ANO10: variants seen among roughly 807,000 people sequenced by gnomAD.
ANO10 encodes the protein anoctamin-10.
A neutral mutation model predicts 74.7 loss-of-function variants in ANO10; 77 were observed. That is an observed-to-expected ratio of 1.03 (90% CI 0.86 to 1.25). The LOEUF (loss-of-function observed/expected upper bound fraction) is 1.25, where lower values mean the gene tolerates loss of function less well. Among genes scored for constraint, ANO10 ranks in the 50% most tolerant of loss-of-function variants. The pLI, the probability that ANO10 is intolerant of heterozygous loss-of-function variation, is 0.00. For missense variants in ANO10, 721 were observed against 778.1 expected (o/e 0.93, Z 0.87); for synonymous variants, 279 against 284.9 (o/e 0.98, Z 0.21).
intron 12 of ANO10, among the ~76,000 whole-genome samples, chr3:43,420,809 C>T (rs1194688653): frequency 2.0e-5 from 3 of 152,220 alleles, no homozygotes; most frequent in African/African-American, 7.2e-5. Context: ...ATGACTATTT[C>T]ATTCAACGAT....
At chr3:43,479,258 C>G (rs1011572981) in intron 11 of ANO10, among the ~76,000 whole-genome samples, 2 of 152,222 alleles carry the variant, frequency 1.3e-5, no homozygotes, top group Admixed American at 6.5e-5. Flanking sequence ...TAAAAACACA[C>G]AGTCCCTGTT....
At chr3:43,660,724 G>A (rs2083916052) in intron 1 of ANO10, among the ~76,000 whole-genome samples, 1 of 152,206 alleles carries the variant, frequency 6.6e-6, no homozygotes, top group Non-Finnish European at 1.5e-5. Flanking sequence ...GGAGGCCAAG[G>A]CTGGCGGATC....
chr3:43,598,531 C>T lies in ANO10; in HGVS notation c.472+1G>A. On this transcript the variant is annotated splice_donor_variant, in intron 4 of 12. Transcript: ENST00000292246. LOFTEE classifies it high-confidence loss of function. Reference sequence around the variant, plus strand: ...AAAGACTGGTTGACATAATGACTTACACAATGATTTTCCTGGATACAACTT... The same window carrying T: ...AAAGACTGGTTGACATAATGACTTATACAATGATTTTCCTGGATACAACTT... 1 of 1,612,936 alleles carries T rather than the reference C, an allele frequency of 6.2e-7. No individual in the cohort carries two copies. The highest frequency in any genetic ancestry group is 8.5e-7 in the Non-Finnish European group (1 of 1,179,582).
At chr3:43,564,406 A>C (rs2080206037) in intron 8 of ANO10, among the ~76,000 whole-genome samples, 1 of 151,046 alleles carries the variant, frequency 6.6e-6, no homozygotes, top group African/African-American at 2.5e-5. Flanking sequence ...TGTATGTATT[A>C]TTAAAAAAAA....
At chr3:43,571,072 A>G (rs1480633601) in intron 7 of ANO10, among the ~76,000 whole-genome samples, 15 of 151,782 alleles carry the variant, frequency 9.9e-5, no homozygotes, top group Admixed American at 5.9e-4. Flanking sequence ...CAGCCAAAAA[A>G]CACATGAAAA....
chr3:43,545,318 A>G (rs2079135425), intron 11 of ANO10, among the ~76,000 whole-genome samples: 1 of 152,222 alleles, frequency 6.6e-6, no homozygotes, highest in African/African-American at 2.4e-5. Context: ...GATAAAAGAG[A>G]AAAATCTTAT....
At chr3:43,655,143 T>A (rs1342240970) in intron 1 of ANO10, among the ~76,000 whole-genome samples, 1 of 152,178 alleles carries the variant, frequency 6.6e-6, no homozygotes, top group East Asian at 1.9e-4. Context: ...GTCACATGAT[T>A]CCAAGAAAAG....
At chr3:43,681,982 G>A (rs554330755) in intron 1 of ANO10, among the ~76,000 whole-genome samples, 2 of 152,276 alleles carry the variant, frequency 1.3e-5, no homozygotes, top group Middle Eastern at 3.4e-3. Flanking sequence ...AAGCAGGAAA[G>A]ATCTAAAATT....
intron 1 of ANO10, among the ~76,000 whole-genome samples, chr3:43,616,578 G>A (rs1434322311): frequency 6.6e-6 from 1 of 152,166 alleles, no homozygotes; most frequent in African/African-American, 2.4e-5. Flanking sequence ...GGCTTTTTTA[G>A]TGCAAGCTGG....
intron 11 of ANO10, chr3:43,485,970 C>T: frequency 4.3e-6 from 1 of 234,424 alleles, no homozygotes; most frequent in Non-Finnish European, 8.6e-6. Flanking sequence ...AAATATTTTA[C>T]CCCAAAGTAT....
chr3:43,378,617 T>C (rs142895393), intron 12 of ANO10, among the ~76,000 whole-genome samples: 2 of 152,344 alleles, frequency 1.3e-5, no homozygotes, highest in East Asian at 3.9e-4. Flanking sequence ...ATTATGATTT[T>C]TAAAACTCTA....
rs61732728 is a variant in ANO10 at position 43,576,721 on chromosome 3, C to G, written c.1133G>C (p.Arg378Pro). Residue 378 changes from arginine (R) to proline (P), a missense_variant, in exon 6 of 13, where the codon CGA becomes CCA. Coordinates refer to ENST00000292246, the MANE Select transcript of ANO10 (RefSeq NM_018075.5). The stretch of plus-strand genomic sequence containing the variant: ...TGAAGTTAAAAACTCGGCAGCATAT[C>G]GATAGAGACGATTCATGATCTCAAT... ...IVIEIMNRLY[R>P]YAAEFLTSWE... 1 of 1,614,094 alleles carries G rather than the reference C, an allele frequency of 6.2e-7. No homozygotes were observed. The highest frequency in any genetic ancestry group is 1.1e-5 in the South Asian group (1 of 91,076).
intron 11 of ANO10, among the ~76,000 whole-genome samples, chr3:43,447,843 C>T (rs2148986018): frequency 6.6e-6 from 1 of 152,300 alleles, no homozygotes; most frequent in South Asian, 2.1e-4. Context: ...TGTACCAATA[C>T]TGATACTTTA....
At chr3:43,431,655 A>T (rs2092983319) in intron 12 of ANO10, among the ~76,000 whole-genome samples, 1 of 152,048 alleles carries the variant, frequency 6.6e-6, no homozygotes, top group Non-Finnish European at 1.5e-5. Flanking sequence ...ACTGTGTGGC[A>T]AACATGAGCA....
chr3:43,615,714 C>T (rs995915156), intron 1 of ANO10, among the ~76,000 whole-genome samples: 1 of 151,444 alleles, frequency 6.6e-6, no homozygotes, highest in Non-Finnish European at 1.5e-5. Flanking sequence ...AGTGCAGTGG[C>T]GCAATCTCGG....
intron 4 of ANO10, among the ~76,000 whole-genome samples, chr3:43,596,463 C>T (rs1575511956): frequency 6.6e-6 from 1 of 151,942 alleles, no homozygotes; most frequent in Non-Finnish European, 1.5e-5. Flanking sequence ...ATGCCACACA[C>T]CTACAACCAT....
intron 2 of ANO10, among the ~76,000 whole-genome samples, chr3:43,604,099 G>C (rs2082451439): frequency 6.6e-6 from 1 of 151,906 alleles, no homozygotes; most frequent in Non-Finnish European, 1.5e-5. Flanking sequence ...ATTTTAATTG[G>C]CATATAATAA....
chr3:43,455,472 T>C (rs1307514891), intron 11 of ANO10, among the ~76,000 whole-genome samples: 1 of 151,124 alleles, frequency 6.6e-6, no homozygotes, highest in African/African-American at 2.4e-5. Flanking sequence ...ATTAGAGAGG[T>C]TCTGCAGAGA....
chr3:43,476,977 A>G (rs886224826), intron 11 of ANO10, among the ~76,000 whole-genome samples: 1 of 152,172 alleles, frequency 6.6e-6, no homozygotes, highest in African/African-American at 2.4e-5. Context: ...TTCTTTTACC[A>G]TGGGTAAAAT....
Sources: allele counts gnomAD v4.1 joint callset (sites outside exome capture counted in the v4.1 genomes callset), GRCh38; gene constraint gnomAD v4.1.1; transcripts MANE v1.5; gene names NCBI Gene and HGNC (gene_info 2026-07-23, HGNC 2026-07-21).